TENM3: variants seen among roughly 807,000 people sequenced by gnomAD.
TENM3 encodes teneurin transmembrane protein 3, also known as teneurin-3.
A neutral mutation model predicts 255.1 loss-of-function variants in TENM3; 63 were observed. The observed-to-expected ratio is 0.25, with a 90% confidence interval of 0.20 to 0.30. The LOEUF (loss-of-function observed/expected upper bound fraction) is 0.30. Among genes scored for constraint, TENM3 ranks in the 10% least tolerant of loss-of-function variants. The pLI, the probability that TENM3 is intolerant of heterozygous loss-of-function variation, is 1.00. For missense variants in TENM3, 2,929 were observed against 3,461.1 expected, an observed-to-expected ratio of 0.85 and a Z score of 3.86; for synonymous variants, 1,306 against 1,322.3, an observed-to-expected ratio of 0.99 and a Z score of 0.27.
chr4:181,533,962 AT>A, the TENM3 span, among the ~76,000 whole-genome samples: 28 of 152,236 alleles, frequency 1.8e-4, no homozygotes, highest in Admixed American at 1.8e-3. Context: ...CTGGAACACA[AT>A]TAATGCAATT....
At chr4:181,887,847 A>G in the TENM3 span, among the ~76,000 whole-genome samples, 1 of 152,278 alleles carries the variant, frequency 6.6e-6, no homozygotes, top group East Asian at 1.9e-4. Context: ...TAAACTATCA[A>G]GCATATTCCC....
the TENM3 span, among the ~76,000 whole-genome samples, chr4:181,651,503 A>AGCTTGAAG: frequency 6.6e-6 from 1 of 151,844 alleles, no homozygotes; most frequent in East Asian, 1.9e-4. Flanking sequence ...CAAGAGAATC[A>AGCTTGAAG]CTTGAACCCA....
chr4:181,877,017 T>A, the TENM3 span: 1 of 152,274 alleles, frequency 6.6e-6, no homozygotes, highest in Admixed American at 6.5e-5. Flanking sequence ...TATATATATA[T>A]AACCACAAAT....
intron 1 of TENM3, among the ~76,000 whole-genome samples, chr4:182,195,841 A>T (rs541942659): frequency 2.0e-5 from 3 of 152,180 alleles, no homozygotes; most frequent in Admixed American, 2.0e-4. Flanking sequence ...AATTATTACT[A>T]TTTATGAAGG....
chr4:181,976,814 A>G, the TENM3 span, among the ~76,000 whole-genome samples: 1 of 152,254 alleles, frequency 6.6e-6, no homozygotes, highest in Non-Finnish European at 1.5e-5. Context: ...AGATGGAGCT[A>G]CAAACCAAGC....
intron 1 of TENM3, among the ~76,000 whole-genome samples, chr4:182,285,819 A>G (rs1162898138): frequency 6.6e-6 from 1 of 152,146 alleles, no homozygotes; most frequent in Non-Finnish European, 1.5e-5. Context: ...GTTTTCAGAG[A>G]TGGACCAAGG....
chr4:182,084,699 G>C, the TENM3 span, among the ~76,000 whole-genome samples: 2 of 152,126 alleles, frequency 1.3e-5, no homozygotes, highest in Non-Finnish European at 2.9e-5. Context: ...AAAAAATGAA[G>C]AATGTACTTA....
At chr4:182,786,378 G>A (rs1765655599) in intron 24 of TENM3, among the ~76,000 whole-genome samples, 1 of 151,996 alleles carries the variant, frequency 6.6e-6, no homozygotes, top group Non-Finnish European at 1.5e-5. Context: ...CCAACATGGT[G>A]AGACCCCCGT....
At chr4:181,858,595 C>G in the TENM3 span, among the ~76,000 whole-genome samples, 2 of 152,166 alleles carry the variant, frequency 1.3e-5, no homozygotes, top group Non-Finnish European at 2.9e-5. Flanking sequence ...AGCCAGGATG[C>G]GTTTGCAGAA....
At chr4:181,710,889 GA>G in the TENM3 span, among the ~76,000 whole-genome samples, 7,025 of 121,570 alleles carry the variant, frequency 0.058, 311 homozygotes, top group Middle Eastern at 0.14. Context: ...AGGAAAAAAA[GA>G]AAAAAAAAAA....
chr4:182,551,808 G>A (rs1742058448), intron 3 of TENM3, among the ~76,000 whole-genome samples: 1 of 151,934 alleles, frequency 6.6e-6, no homozygotes, highest in Non-Finnish European at 1.5e-5. Context: ...ATCGCTTGAG[G>A]CCAGGAGTTT....
chr4:181,875,086 A>G, the TENM3 span, among the ~76,000 whole-genome samples: 1 of 152,190 alleles, frequency 6.6e-6, no homozygotes, highest in African/African-American at 2.4e-5. Context: ...AGACAAAATA[A>G]TTGCAGCAAG....
chr4:182,280,023 C>A (rs1217961437), intron 1 of TENM3, among the ~76,000 whole-genome samples: 1 of 152,200 alleles, frequency 6.6e-6, no homozygotes, highest in Non-Finnish European at 1.5e-5. Context: ...GATAATGGAG[C>A]CATGGGTAGA....
At chr4:181,939,744 T>C in the TENM3 span, among the ~76,000 whole-genome samples, 2 of 152,082 alleles carry the variant, frequency 1.3e-5, no homozygotes, top group Non-Finnish European at 1.5e-5. Context: ...CCAGGGTGAG[T>C]GGAGAATACC....
At chr4:181,850,295 C>T in the TENM3 span, among the ~76,000 whole-genome samples, 1 of 151,926 alleles carries the variant, frequency 6.6e-6, no homozygotes, top group Non-Finnish European at 1.5e-5. Context: ...TGTTAGTCAA[C>T]ATGATTTGAT....
chr4:182,099,552 T>C, the TENM3 span, among the ~76,000 whole-genome samples: 4 of 152,160 alleles, frequency 2.6e-5, no homozygotes, highest in Non-Finnish European at 5.9e-5. Flanking sequence ...TTGTACCATG[T>C]TGAGCCTATA....
Position 182,628,748 on chromosome 4 carries a change from A to G in TENM3, c.847A>G (p.Thr283Ala). The G allele has an allele frequency of 1.2e-6, 2 of 1,609,536 alleles. No individual in the cohort carries two copies. The highest frequency in any genetic ancestry group is 1.7e-6 in the Non-Finnish European group (2 of 1,177,944). ...MASGSVYSPP[T>A]RPLPRNTLSR... ...ATCTGGCTCTGTTTATTCACCACCT[A>G]CTCGGCCACTACCTAGAAACACCCT... is the stretch of plus-strand genomic sequence containing the variant. The change falls in exon 5 of 28, where the codon ACT becomes GCT. Residue 283 changes from threonine to alanine, a missense_variant. Transcript: ENST00000511685.
chr4:182,782,953 G>A (rs1409697404), intron 24 of TENM3, among the ~76,000 whole-genome samples: 1 of 148,284 alleles, frequency 6.7e-6, no homozygotes, highest in Non-Finnish European at 1.5e-5. Flanking sequence ...GTGTGTCTCT[G>A]CACGTGAGAT....
chr4:182,357,041 A>C (rs1426793755), intron 3 of TENM3, among the ~76,000 whole-genome samples: 1 of 152,134 alleles, frequency 6.6e-6, no homozygotes, highest in Non-Finnish European at 1.5e-5. Flanking sequence ...TACAAAGCAC[A>C]TGAACTCATC....
Sources: allele counts gnomAD v4.1 joint callset (sites outside exome capture counted in the v4.1 genomes callset), GRCh38; gene constraint gnomAD v4.1.1; transcripts MANE v1.5; gene names NCBI Gene and HGNC (gene_info 2026-07-23, HGNC 2026-07-21).